HDAC9: variants seen among roughly 807,000 people sequenced by gnomAD.
HDAC9 encodes histone deacetylase 9.
A neutral mutation model predicts 139.4 loss-of-function variants in HDAC9; 41 were observed. The observed-to-expected ratio is 0.29, with a 90% CI of 0.23 to 0.38. The LOEUF (loss-of-function observed/expected upper bound fraction) is 0.38. Among genes scored for constraint, HDAC9 ranks in the 10% least tolerant of loss-of-function variants. HDAC9 has a pLI of 1.00. For synonymous variants in HDAC9, 517 were observed against 476.2 expected, an observed-to-expected ratio of 1.09 and a Z score of -1.12; for missense variants, 1,147 against 1,297.0, an observed-to-expected ratio of 0.88 and a Z score of 1.78.
chr7:18,391,622 A>G (rs1786497426), intron 1 of HDAC9, among the ~76,000 whole-genome samples: 1 of 152,210 alleles, frequency 6.6e-6, no homozygotes, highest in Admixed American at 6.5e-5. Flanking sequence ...CCCAGAAGAC[A>G]CACTTAGAAA....
chr7:18,152,896 G>T (rs891489563), intron 1 of HDAC9, among the ~76,000 whole-genome samples: 6 of 152,206 alleles, frequency 3.9e-5, no homozygotes, highest in Non-Finnish European at 7.3e-5. Flanking sequence ...ACAAATTGGT[G>T]TATTCTGGAA....
chr7:18,558,704 T>G (rs887845335), intron 2 of HDAC9, among the ~76,000 whole-genome samples: 2 of 152,180 alleles, frequency 1.3e-5, no homozygotes, highest in African/African-American at 4.8e-5. Flanking sequence ...TGACCACCAC[T>G]TGAGCACGAA....
chr7:18,385,370 C>T (rs757578723), intron 1 of HDAC9, among the ~76,000 whole-genome samples: 5 of 151,778 alleles, frequency 3.3e-5, no homozygotes, highest in Admixed American at 1.3e-4. Context: ...ATAATAACAC[C>T]ATAAGAAATG....
intron 17 of HDAC9, chr7:18,808,146 A>C (rs1345534490): frequency 1.3e-5 from 2 of 152,190 alleles, no homozygotes; most frequent in African/African-American, 2.4e-5. Flanking sequence ...TCTTCAACTA[A>C]GTGCTCAGCT....
intron 1 of HDAC9, among the ~76,000 whole-genome samples, chr7:18,141,032 A>G (rs2128109752): frequency 6.6e-6 from 1 of 152,248 alleles, no homozygotes; most frequent in African/African-American, 2.4e-5. Flanking sequence ...GAAAACAAGC[A>G]TCTTCAGCTT....
At chr7:18,734,936 G>C (rs987762693) in intron 13 of HDAC9, among the ~76,000 whole-genome samples, 3 of 152,182 alleles carry the variant, frequency 2.0e-5, no homozygotes, top group African/African-American at 7.2e-5. Flanking sequence ...ATTCTAACTG[G>C]TGTGAAATGG....
intron 16 of HDAC9, among the ~76,000 whole-genome samples, chr7:18,787,370 G>C (rs972392157): frequency 3.3e-5 from 5 of 152,154 alleles, no homozygotes; most frequent in African/African-American, 1.2e-4. Flanking sequence ...ATGTATGTTA[G>C]GTCCAGACCC....
At position 18,392,351 on chromosome 7, in the gene HDAC9, ACT is replaced by A. The variant is rs1554402188; in HGVS notation, c.-42+101837_-42+101838del. Among the ~76,000 whole-genome samples the A allele has an allele frequency of 4.8e-5, 7 of 145,222 alleles. No homozygotes were observed. The South Asian group carries it at 6.5e-4, about 13-fold the overall frequency. On this transcript the variant is annotated intron_variant, in intron 1 of 3. Coordinates refer to the HDAC9 transcript ENST00000413509. ...CACACACACACACACACACACACAC[ACT>A]GTCTATATCTAATCTCTGTCTCTCT...
chr7:18,632,803 TA>T (rs1782738081), intron 7 of HDAC9, among the ~76,000 whole-genome samples: 1 of 151,998 alleles, frequency 6.6e-6, no homozygotes, highest in African/African-American at 2.4e-5. Flanking sequence ...AACAAGGCCT[TA>T]AACTGAAATG....
chr7:18,238,903 C>A (rs1324450771), intron 2 of HDAC9, among the ~76,000 whole-genome samples: 2 of 152,220 alleles, frequency 1.3e-5, no homozygotes, highest in African/African-American at 2.4e-5. Flanking sequence ...AGGCAAATCA[C>A]TGGCTCCTGT....
At chr7:18,937,442 T>C (rs959194224) in intron 23 of HDAC9, among the ~76,000 whole-genome samples, 1 of 152,170 alleles carries the variant, frequency 6.6e-6, no homozygotes, top group Non-Finnish European at 1.5e-5. Context: ...TCAACGTGTG[T>C]AAAATTTTCT....
intron 1 of HDAC9, among the ~76,000 whole-genome samples, chr7:18,309,936 G>T (rs1799189674): frequency 6.6e-6 from 1 of 152,172 alleles, no homozygotes; most frequent in Admixed American, 6.5e-5. Context: ...CAAATGTGTT[G>T]AAGCAATGTG....
intron 2 of HDAC9, among the ~76,000 whole-genome samples, chr7:18,581,460 T>G (rs1007076176): frequency 6.6e-6 from 1 of 152,162 alleles, no homozygotes; most frequent in Admixed American, 6.5e-5. Context: ...TTACAATAAC[T>G]GTTTCAGAGA....
rs562350420 is a variant in HDAC9 at position 18,708,305 on chromosome 7, G to A, written c.1732-19275G>A. Among the ~76,000 whole-genome samples, 6 of 151,998 alleles carry A rather than the reference G, an allele frequency of 3.9e-5. No homozygotes were observed. In the South Asian group the frequency reaches 1.2e-3, roughly 32 times the overall value. On this transcript the variant is annotated intron_variant, in intron 12 of 25. Transcript: ENST00000686413. ...TTATGGAGAAAAAGAGGGAGGAAGG[G>A]GACTTGGGACACAGAGATTGCCCAG...
chr7:18,091,482 G>A (rs550270444), intron 1 of HDAC9, among the ~76,000 whole-genome samples: 1 of 152,292 alleles, frequency 6.6e-6, no homozygotes, highest in South Asian at 2.1e-4. Context: ...GTAAGATTTG[G>A]ATAGTCTGTG....
intron 2 of HDAC9, among the ~76,000 whole-genome samples, chr7:18,283,561 A>C (rs982244659): frequency 3.3e-5 from 5 of 152,208 alleles, no homozygotes; most frequent in Non-Finnish European, 7.4e-5. Context: ...ACTGATTATC[A>C]TTCTTTTTTG....
In HDAC9 at chr7:18,632,105, A is replaced by G. The variant is rs765159382; in HGVS notation, c.797-2522A>G. ...ATGAGACATTAATGAGAAATCAGTC[A>G]TATTGTAAAGACGAGAGTTAGGAGT... is the stretch of plus-strand genomic sequence containing the variant. On this transcript the variant is annotated intron_variant, in intron 7 of 25. Transcript: ENST00000686413. Among the ~76,000 whole-genome samples the G allele has an allele frequency of 1.1e-4, 16 of 152,000 alleles. 1 individual carries two copies. Among genetic ancestry groups the G allele is most frequent in the Non-Finnish European group, 2.1e-4 (14 of 67,956 alleles).
At chr7:18,230,620 T>C (rs1793394281) in intron 2 of HDAC9, among the ~76,000 whole-genome samples, 1 of 152,238 alleles carries the variant, frequency 6.6e-6, no homozygotes. Flanking sequence ...AGTCTGGGTT[T>C]TGGGATGCCA....
rs150044190 is a variant in HDAC9 at position 18,796,626 on chromosome 7, C to G, written c.2322+3174C>G. Among the ~76,000 whole-genome samples, 1,352 of 152,206 alleles carry G rather than the reference C, an allele frequency of 8.9e-3. 17 individuals carry two copies. Among genetic ancestry groups the G allele is most frequent in the African/African-American group, 0.028 (1,162 of 41,546 alleles). ...TCAAATTTACAGGTATTCAAATTGG[C>G]TATTTCTCAGATTCTCTTACAAAGG... is the stretch of plus-strand genomic sequence containing the variant. On this transcript the variant is annotated intron_variant, in intron 17 of 25. Coordinates refer to ENST00000686413, the MANE Select transcript of HDAC9 (RefSeq NM_178425.4).
Sources: allele counts gnomAD v4.1 joint callset (sites outside exome capture counted in the v4.1 genomes callset), GRCh38; gene constraint gnomAD v4.1.1; transcripts MANE v1.5; gene names NCBI Gene and HGNC (gene_info 2026-07-23, HGNC 2026-07-21).